The following NAA60 variants were observed in gnomAD, a reference collection of about 807,000 sequenced individuals.
NAA60 encodes N-alpha-acetyltransferase 60.
In NAA60, 8 loss-of-function variants were observed where a neutral mutation model predicts 26.1. The ratio of observed to expected loss-of-function variants is 0.31; its 90% CI spans 0.18 to 0.55. NAA60 has a LOEUF of 0.55. Among genes scored for constraint, NAA60 ranks in the 20% least tolerant of loss-of-function variants. The pLI is 0.93. For synonymous variants in NAA60, 131 were observed against 122.5 expected, an observed-to-expected ratio of 1.07 and a Z score of -0.46; for missense variants, 290 against 311.3, an observed-to-expected ratio of 0.93 and a Z score of 0.51.
At chr16:3,449,695 G>T (rs2034696898) in intron 2 of NAA60, among the ~76,000 whole-genome samples, 1 of 152,032 alleles carries the variant, frequency 6.6e-6, no homozygotes, top group Non-Finnish European at 1.5e-5. Context: ...ATATGGTTTG[G>T]CTGTGTCCCC....
intron 1 of NAA60, among the ~76,000 whole-genome samples, chr16:3,448,207 G>A (rs900728541): frequency 1.3e-5 from 2 of 149,448 alleles, no homozygotes; most frequent in East Asian, 2.0e-4. Flanking sequence ...CCAGGAGTTC[G>A]AGGCTGCAGT....
chr16:3,446,216 A>T (rs748199023), intron 1 of NAA60, among the ~76,000 whole-genome samples: 19 of 152,284 alleles, frequency 1.2e-4, no homozygotes, highest in Admixed American at 2.6e-4. Flanking sequence ...ATCATTACAA[A>T]AGTAGTATAT....
intron 2 of NAA60, among the ~76,000 whole-genome samples, chr16:3,451,268 G>T (rs1338949200): frequency 6.6e-6 from 1 of 152,166 alleles, no homozygotes; most frequent in Non-Finnish European, 1.5e-5. Flanking sequence ...TGAAAATATA[G>T]TACTTGTCCA....
intron 2 of NAA60, among the ~76,000 whole-genome samples, chr16:3,455,950 C>T (rs1216507416): frequency 6.6e-6 from 1 of 151,996 alleles, no homozygotes; most frequent in African/African-American, 2.4e-5. Flanking sequence ...CATGGTTCAC[C>T]CGACTTGACC....
chr16:3,477,416 A>G (rs2036547963), intron 3 of NAA60, among the ~76,000 whole-genome samples: 1 of 152,246 alleles, frequency 6.6e-6, no homozygotes, highest in Non-Finnish European at 1.5e-5. Context: ...TGCTCTTGGC[A>G]GGGCGGTGGC....
Position 3,465,857 on chromosome 16 carries a change from C to G in NAA60, c.-6-10365C>G, listed in dbSNP as rs144375184. Among the ~76,000 whole-genome samples the G allele has an allele frequency of 3.8e-3, 576 of 152,232 alleles. 5 individuals carry two copies. Among genetic ancestry groups the G allele is most frequent in the African/African-American group, 0.012 (515 of 41,524 alleles). The stretch of plus-strand genomic sequence containing the variant: ...CTGACTCTGCTCACTGCTGAGACCC[C>G]GATACCCAGGGTAGGGCCTGAATTT... On this transcript the variant is annotated intron_variant, in intron 2 of 7. Coordinates refer to ENST00000407558, the MANE Select transcript of NAA60 (RefSeq NM_001083601.3).
chr16:3,453,511 C>T (rs543562863), intron 2 of NAA60, among the ~76,000 whole-genome samples: 10 of 152,220 alleles, frequency 6.6e-5, no homozygotes, highest in South Asian at 2.1e-4. Context: ...CAGGTTCAAG[C>T]GATTCTTCTG....
intron 2 of NAA60, chr16:3,450,102 A>G: frequency 2.5e-6 from 1 of 392,910 alleles, no homozygotes; most frequent in Non-Finnish European, 4.5e-6. Flanking sequence ...GAAGCAAAAT[A>G]TTTGGCTCCT....
At chr16:3,458,992 C>T (rs1304503201) in intron 2 of NAA60, among the ~76,000 whole-genome samples, 2 of 152,194 alleles carry the variant, frequency 1.3e-5, no homozygotes, top group Non-Finnish European at 2.9e-5. Context: ...AAGGGGTACT[C>T]TGCAGTAAAC....
chr16:3,471,461 C>T (rs1247154959), intron 2 of NAA60, among the ~76,000 whole-genome samples: 1 of 152,118 alleles, frequency 6.6e-6, no homozygotes, highest in Admixed American at 6.5e-5. Context: ...CGAGATCGCG[C>T]CAGTGCACTC....
At chr16:3,479,650 G>A (rs1055814221) in intron 4 of NAA60, 50 bp downstream of exon 4, 2 of 1,594,854 alleles carry the variant, frequency 1.3e-6, no homozygotes, top group African/African-American at 1.3e-5. Flanking sequence ...CATTGGACGG[G>A]CCAAGGGGGC....
intron 2 of NAA60, among the ~76,000 whole-genome samples, chr16:3,470,843 C>G (rs1245871529): frequency 6.6e-6 from 1 of 152,242 alleles, no homozygotes; most frequent in East Asian, 1.9e-4. Context: ...CATGGGCACA[C>G]AGGTGACCCG....
rs1435018021 is a variant in NAA60 at position 3,482,611 on chromosome 16, G to A, written c.337+13G>A. On this transcript the variant is annotated intron_variant, in intron 5 of 7. Coordinates refer to ENST00000407558, the MANE Select transcript of NAA60 (RefSeq NM_001083601.3). ...AAGCACGGCATAGGTAAGGGCAGCCGGGCCCGCGGCTTGGCGCCCACCCCA... is the reference window on the plus strand; with the variant it reads ...AAGCACGGCATAGGTAAGGGCAGCCAGGCCCGCGGCTTGGCGCCCACCCCA... 2.0e-5 allele frequency: 31 copies of A among 1,580,164 alleles called. No homozygotes were observed. Among genetic ancestry groups the A allele is most frequent in the Non-Finnish European group, 2.4e-5 (28 of 1,162,836 alleles).
At chr16:3,444,431 G>A (rs1212610238) in intron 1 of NAA60, among the ~76,000 whole-genome samples, 3 of 152,082 alleles carry the variant, frequency 2.0e-5, no homozygotes, top group Non-Finnish European at 4.4e-5. Flanking sequence ...GAAATTGCCA[G>A]TTTATAAAGG....
chr16:3,483,469 C>T lies in NAA60; in HGVS notation c.444C>T (p.Asn148=). 1.2e-6 allele frequency: 2 copies of T among 1,614,030 alleles called. No individual in the cohort carries two copies. Among genetic ancestry groups the T allele is most frequent in the South Asian group, 2.2e-5 (2 of 91,088 alleles). ...TCACCACCAACAACACAGCAATAAA[C>T]TTCTATGAAAACAGAGACTTCAAGC... is the stretch of plus-strand genomic sequence containing the variant. ...HVLTTNNTAI[N]FYENRDFKQH... is the part of the protein sequence containing the mutation. The change falls in exon 6 of 8, where the codon AAC becomes AAT. Residue 148 remains asparagine (N), a synonymous_variant. Coordinates refer to ENST00000407558, the MANE Select transcript of NAA60 (RefSeq NM_001083601.3).
chr16:3,470,315 C>T (rs905369634), intron 2 of NAA60, among the ~76,000 whole-genome samples: 1 of 152,190 alleles, frequency 6.6e-6, no homozygotes, highest in African/African-American at 2.4e-5. Flanking sequence ...AGCCCAGGTA[C>T]ACCTCCCAGC....
intron 3 of NAA60, among the ~76,000 whole-genome samples, chr16:3,478,579 T>C (rs1489058252): frequency 1.3e-5 from 2 of 152,212 alleles, no homozygotes; most frequent in African/African-American, 2.4e-5. Context: ...TTAATGACCA[T>C]GTCCTGGGCC....
At chr16:3,461,068 A>G (rs560526453) in intron 2 of NAA60, among the ~76,000 whole-genome samples, 2 of 152,094 alleles carry the variant, frequency 1.3e-5, no homozygotes, top group South Asian at 2.1e-4. Flanking sequence ...CAGGCTCTAT[A>G]TCATTCTTTT....
At chr16:3,481,375 G>A (rs1440187717) in intron 4 of NAA60, among the ~76,000 whole-genome samples, 2 of 152,136 alleles carry the variant, frequency 1.3e-5, no homozygotes, top group East Asian at 3.9e-4. Flanking sequence ...GTGAGCCACC[G>A]TGCCCAGCCT....
Sources: gnomAD v4.1 joint callset for allele counts (sites outside exome capture counted in the v4.1 genomes callset) on GRCh38, gnomAD v4.1.1 for gene constraint, MANE v1.5 for transcripts, NCBI Gene and HGNC (gene_info 2026-07-23, HGNC 2026-07-21) for gene names.